ZFHX3: variants seen among roughly 807,000 people sequenced by gnomAD.
The protein encoded by ZFHX3 is zinc finger homeobox 3.
Under a neutral mutation model 279.1 loss-of-function variants are expected in ZFHX3, and 42 were observed. The observed-to-expected ratio is 0.15, with a 90% CI of 0.12 to 0.19. The LOEUF (loss-of-function observed/expected upper bound fraction) is 0.19, where lower values mean the gene tolerates loss of function less well. ZFHX3 is among the 10% of genes least tolerant of loss of function. ZFHX3 has a pLI of 1.00. For missense variants in ZFHX3, 4,981 were observed against 4,754.0 expected (o/e 1.05, Z -1.40); for synonymous variants, 2,293 against 1,957.8 (o/e 1.17, Z -4.52).
chr16:73,370,461 A>T (rs528424331), intron 3 of ZFHX3, among the ~76,000 whole-genome samples: 25 of 152,362 alleles, frequency 1.6e-4, no homozygotes, highest in Non-Finnish European at 2.2e-4. Context: ...AAGCTGGCAC[A>T]TACATGTGCC....
chr16:72,944,994 C>T (rs1308112172), intron 3 of ZFHX3, among the ~76,000 whole-genome samples: 1 of 151,826 alleles, frequency 6.6e-6, no homozygotes, highest in African/African-American at 2.4e-5. Flanking sequence ...ATTTCAGTTC[C>T]ATTATGTGGT....
intron 2 of ZFHX3, among the ~76,000 whole-genome samples, chr16:73,517,358 T>C (rs1227381155): frequency 6.6e-6 from 1 of 152,228 alleles, no homozygotes; most frequent in Admixed American, 6.5e-5. Flanking sequence ...CATTTCTACC[T>C]TCATATTTTT....
intron 7 of ZFHX3, among the ~76,000 whole-genome samples, chr16:73,127,843 G>A (rs559074774): frequency 1.3e-4 from 20 of 152,246 alleles, no homozygotes; most frequent in South Asian, 2.1e-4. Flanking sequence ...TTATGCCCTC[G>A]GAAGGATTGT....
chr16:73,327,415 T>A lies in ZFHX3; in HGVS notation c.-1290-9079A>T, dbSNP rs531080078. On this transcript the variant is annotated intron_variant, in intron 3 of 17. Coordinates refer to the ZFHX3 transcript ENST00000641206. ...TCAGTCCTTAACCAAACAACCCTCT[T>A]CTATTCCCTCCCCAACTTCCCTAGA... Among the ~76,000 whole-genome samples the A allele has an allele frequency of 7.2e-5, 11 of 152,270 alleles. No individual in the cohort carries two copies. The South Asian group carries it at 2.3e-3, about 32-fold the overall frequency.
At chr16:72,876,942 G>A (rs2038330512) in intron 4 of ZFHX3, among the ~76,000 whole-genome samples, 1 of 152,140 alleles carries the variant, frequency 6.6e-6, no homozygotes, top group Admixed American at 6.5e-5. Flanking sequence ...CTTGGCGGGG[G>A]AGAAAGGGGG....
At chr16:73,752,682 G>A (rs1272702510) in intron 1 of ZFHX3, among the ~76,000 whole-genome samples, 1 of 152,124 alleles carries the variant, frequency 6.6e-6, no homozygotes, top group Non-Finnish European at 1.5e-5. Flanking sequence ...ATGAAGCTGG[G>A]GGAAGAATCA....
At chr16:73,686,796 A>C (rs1487687614) in intron 1 of ZFHX3, among the ~76,000 whole-genome samples, 2 of 151,614 alleles carry the variant, frequency 1.3e-5, no homozygotes, top group African/African-American at 2.4e-5. Flanking sequence ...CTGGATTGAA[A>C]CCTTATCTAG....
At chr16:72,857,270 A>T (rs2037775303) in intron 4 of ZFHX3, among the ~76,000 whole-genome samples, 1 of 152,266 alleles carries the variant, frequency 6.6e-6, no homozygotes, top group Non-Finnish European at 1.5e-5. Context: ...ATTCTGTATA[A>T]TACCCAAGGC....
intron 1 of ZFHX3, among the ~76,000 whole-genome samples, chr16:72,961,723 CAG>C (rs1436097392): frequency 6.6e-6 from 1 of 152,104 alleles, no homozygotes; most frequent in East Asian, 1.9e-4. Context: ...CCAGAAGTCT[CAG>C]GGAGAAATAA....
intron 1 of ZFHX3, among the ~76,000 whole-genome samples, chr16:73,853,539 G>A (rs1961642578): frequency 6.6e-6 from 1 of 152,184 alleles, no homozygotes; most frequent in Non-Finnish European, 1.5e-5. Flanking sequence ...CAACATGGAT[G>A]GAACTAGAGG....
chr16:73,705,389 C>G (rs547185341), intron 1 of ZFHX3, among the ~76,000 whole-genome samples: 1 of 152,172 alleles, frequency 6.6e-6, no homozygotes, highest in Admixed American at 6.5e-5. Context: ...GTGAGAGCAG[C>G]AAAGTAAACC....
Position 72,798,818 on chromosome 16 carries a change from CTGA to C in ZFHX3, c.3968-107_3968-105del, listed in dbSNP as rs1317229251. On this transcript the variant is annotated intron_variant, in intron 8 of 9. Coordinates refer to ENST00000268489, the MANE Select transcript of ZFHX3 (RefSeq NM_006885.4). ...TAGTCAGGCCTCATGAACACAGAATCTGATGATGAGGGAAGTGCCCAACCTGAA... is the reference window on the plus strand; with the variant it reads ...TAGTCAGGCCTCATGAACACAGAATCTGATGAGGGAAGTGCCCAACCTGAA... 9 of 1,447,330 alleles carry C rather than the reference CTGA, an allele frequency of 6.2e-6. No individual in the cohort carries two copies. In the East Asian group the frequency reaches 1.2e-4, roughly 20 times the overall value. 89.7% of individuals were successfully genotyped at this position (1,447,330 alleles called of 1,614,324 possible).
chr16:73,505,473 C>T (rs893565842), intron 2 of ZFHX3, among the ~76,000 whole-genome samples: 7 of 151,818 alleles, frequency 4.6e-5, no homozygotes, highest in African/African-American at 1.2e-4. Flanking sequence ...AGGGGCAATT[C>T]GTCTCCTTAT....
chr16:72,794,771 C>T lies in ZFHX3; in HGVS notation c.7911G>A (p.Glu2637=). The change falls in exon 9 of 10, where the codon GAG becomes GAA. Residue 2637 remains glutamate, a synonymous_variant. Coordinates refer to ENST00000268489, the MANE Select transcript of ZFHX3 (RefSeq NM_006885.4). The surrounding 1 kb of genome is among the most constrained non-coding windows in gnomAD (Gnocchi z 4.2). ...GENDSGTGGE[E]PQRDKRLRTT... ...TTCTCAAACGCTTGTCTCTCTGAGG[C>T]TCTTCTCCTCCTGTCCCACTGTCGT... 10 of 1,614,222 alleles carry T rather than the reference C, an allele frequency of 6.2e-6. No homozygotes were observed. Among genetic ancestry groups the T allele is most frequent in the East Asian group, 2.2e-5 (1 of 44,886 alleles).
intron 2 of ZFHX3, among the ~76,000 whole-genome samples, chr16:73,574,924 T>C (rs1328203347): frequency 6.6e-6 from 1 of 152,196 alleles, no homozygotes; most frequent in Non-Finnish European, 1.5e-5. Context: ...CTGGAAGTCT[T>C]CCCCACCGAC....
At chr16:73,002,851 T>G (rs531130971) in intron 1 of ZFHX3, among the ~76,000 whole-genome samples, 2 of 152,234 alleles carry the variant, frequency 1.3e-5, no homozygotes, top group African/African-American at 2.4e-5. Flanking sequence ...TTTAAGCACA[T>G]ATTTTCTTCT....
intron 2 of ZFHX3, chr16:73,500,085 A>G (rs2019208196): frequency 6.6e-6 from 1 of 152,234 alleles, no homozygotes; most frequent in Non-Finnish European, 1.5e-5. Flanking sequence ...TGCTCCCTGT[A>G]CTTACAAAAT....
chr16:72,880,313 G>A (rs1188824668), intron 4 of ZFHX3, among the ~76,000 whole-genome samples: 1 of 152,216 alleles, frequency 6.6e-6, no homozygotes, highest in African/African-American at 2.4e-5. Flanking sequence ...CTAGGTTGAA[G>A]TCCCAACCTC....
chr16:73,253,514 T>C (rs533118790), intron 5 of ZFHX3, among the ~76,000 whole-genome samples: 1 of 150,846 alleles, frequency 6.6e-6, no homozygotes, highest in Admixed American at 6.6e-5. Context: ...TGCAGTGGCA[T>C]GATCTCGGCT....
Sources: allele counts gnomAD v4.1 joint callset (sites outside exome capture counted in the v4.1 genomes callset), GRCh38; gene constraint gnomAD v4.1.1; non-coding constraint Gnocchi (gnomAD v3.1); transcripts MANE v1.5; gene names NCBI Gene and HGNC (gene_info 2026-07-23, HGNC 2026-07-21).